The following PLEKHA8 variants were observed in gnomAD, a reference collection of about 807,000 sequenced individuals.
PLEKHA8 encodes the protein pleckstrin homology domain-containing family A member 8.
A neutral mutation model predicts 68.2 loss-of-function variants in PLEKHA8; 36 were observed. That is an observed-to-expected ratio of 0.53 (90% CI 0.40 to 0.70). The LOEUF (loss-of-function observed/expected upper bound fraction) is 0.70. Ranked by LOEUF, PLEKHA8 falls within the 30% of genes least tolerant of loss-of-function variation. PLEKHA8 has a pLI of 0.00. For missense variants in PLEKHA8, 505 were observed against 615.4 expected (o/e 0.82, Z 1.90); for synonymous variants, 211 against 216.1 (o/e 0.98, Z 0.20).
At chr7:30,118,011 T>G in intron 13 of PLEKHA8, 1 of 1,529,604 alleles carries the variant, frequency 6.5e-7, no homozygotes. Context: ...GGGCTGTCAC[T>G]CAGAATCAGG....
chr7:30,050,572 T>C, intron 6 of PLEKHA8, 98 bp downstream of exon 6: 1 of 1,365,790 alleles, frequency 7.3e-7, no homozygotes, highest in Non-Finnish European at 9.7e-7. Context: ...TAATGGTTTT[T>C]CTCAGGATTT....
chr7:30,074,211 A>G, intron 13 of PLEKHA8, 79 bp downstream of exon 13: 1 of 1,290,900 alleles, frequency 7.7e-7, no homozygotes, highest in Non-Finnish European at 1.1e-6. Context: ...CTTCTTACCC[A>G]GTTATTTATC....
intron 13 of PLEKHA8, among the ~76,000 whole-genome samples, chr7:30,113,991 C>T (rs977815147): frequency 6.6e-6 from 1 of 151,958 alleles, no homozygotes; most frequent in African/African-American, 2.4e-5. Flanking sequence ...CTCTGCCTCC[C>T]AGGTTCAAGT....
At chr7:30,109,570 G>A (rs191467771) in intron 13 of PLEKHA8, among the ~76,000 whole-genome samples, 2,888 of 106,218 alleles carry the variant, frequency 0.027, 45 homozygotes, top group Admixed American at 0.041. Flanking sequence ...CCTGGGCAAC[G>A]AGTGAAACTC....
At chr7:30,049,720 C>T (rs1379506489) in intron 5 of PLEKHA8, among the ~76,000 whole-genome samples, 2 of 152,182 alleles carry the variant, frequency 1.3e-5, no homozygotes, top group Admixed American at 1.3e-4. Context: ...TAAATTGAAC[C>T]ACTTAACCTA....
Position 30,078,867 on chromosome 7 carries a change from C to A in PLEKHA8, c.*80C>A. The stretch of plus-strand genomic sequence containing the variant: ...TGCCCTACTTAATTTCCAGCAACAG[C>A]CTCAACCCTCTCCAACCCCTTCACC... On this transcript the variant is annotated 3_prime_UTR_variant, in exon 14 of 14. Coordinates refer to ENST00000449726, the MANE Select transcript of PLEKHA8 (RefSeq NM_001197026.2). 1 of 1,516,098 alleles carries A rather than the reference C, an allele frequency of 6.6e-7. No individual in the cohort carries two copies. 93.9% of individuals were successfully genotyped at this position (1,516,098 alleles called of 1,614,324 possible). A position where few individuals can be genotyped will look rare whatever the true frequency, so the allele number is the denominator to read the frequency against.
chr7:30,087,447 C>G (rs1419323871), downstream of PLEKHA8, among the ~76,000 whole-genome samples: 1 of 152,212 alleles, frequency 6.6e-6, no homozygotes, highest in African/African-American at 2.4e-5. Flanking sequence ...GAGACCCTAC[C>G]TTCACCTGAA....
chr7:30,059,145 A>C (rs573556943), intron 9 of PLEKHA8, among the ~76,000 whole-genome samples: 19 of 152,242 alleles, frequency 1.2e-4, no homozygotes, highest in Non-Finnish European at 2.6e-4. Context: ...TGAGTCTTCC[A>C]ATCCATGAGG....
At chr7:30,042,831 A>G (rs756163759) in intron 1 of PLEKHA8, among the ~76,000 whole-genome samples, 2 of 152,190 alleles carry the variant, frequency 1.3e-5, no homozygotes, top group Non-Finnish European at 2.9e-5. Flanking sequence ...ACACTTTTGC[A>G]AAGGGCTGAA....
downstream of PLEKHA8, among the ~76,000 whole-genome samples, chr7:30,086,657 T>C (rs1434887025): frequency 6.6e-6 from 1 of 152,250 alleles, no homozygotes; most frequent in African/African-American, 2.4e-5. Context: ...TTTTCTGTTC[T>C]ACCATCACTC....
chr7:30,074,270 G>GTGTGTGTGTGTGTGTGTA, intron 13 of PLEKHA8, 138 bp downstream of exon 13: 1 of 647,524 alleles, frequency 1.5e-6, no homozygotes, highest in Non-Finnish European at 2.6e-6. Context: ...GTGTGTGTGT[G>GTGTGTGTGTGTGTGTGTA]TGTATGTGTG....
chr7:30,046,329 G>C lies in PLEKHA8; in HGVS notation c.277G>C (p.Ala93Pro), dbSNP rs374178727. Residue 93 changes from alanine (A) to proline (P), a missense_variant, in exon 3 of 14, where the codon GCT (alanine) becomes CCT (proline). Ala to Pro is a conservative substitution (Grantham distance 27). Coordinates refer to ENST00000449726, the MANE Select transcript of PLEKHA8 (RefSeq NM_001197026.2). ...GCTGGTGGCCCTGGGATCAGCCAAG[G>C]CTTGCCTGACTGACAGTAGGACCCA... ...RWLVALGSAK[A>P]CLTDSRTQKE... is the part of the protein sequence containing the mutation. 6.2e-7 allele frequency: 1 copy of C among 1,613,192 alleles called. No individual in the cohort carries two copies. Among genetic ancestry groups the C allele is most frequent in the Non-Finnish European group, 8.5e-7 (1 of 1,179,546 alleles).
intron 13 of PLEKHA8, chr7:30,115,722 A>G (rs988527626): frequency 8.4e-6 from 1 of 119,314 alleles, no homozygotes; most frequent in Admixed American, 8.4e-5. Flanking sequence ...ACGCGCATGC[A>G]TGCATACACG....
At chr7:30,129,175 A>C in intron 13 of PLEKHA8, 4 of 1,566,222 alleles carry the variant, frequency 2.6e-6, no homozygotes, top group Non-Finnish European at 3.5e-6. Context: ...AGGAAACAAT[A>C]ATATGTAACA....
chr7:30,055,269 T>A lies in PLEKHA8; in HGVS notation c.966T>A (p.Ile322=). 1 of 1,614,112 alleles carries A rather than the reference T, an allele frequency of 6.2e-7. No homozygotes were observed. Among genetic ancestry groups the A allele is most frequent in the Non-Finnish European group, 8.5e-7 (1 of 1,179,944 alleles). The change falls in exon 9 of 14, where the codon ATT becomes ATA. Residue 322 remains isoleucine (I), a synonymous_variant. Coordinates refer to ENST00000449726, the MANE Select transcript of PLEKHA8 (RefSeq NM_001197026.2). The stretch of plus-strand genomic sequence containing the variant: ...CCAAATTATGTAGCTTTAGTGACAT[T>A]GAACTTCTGGAAGACAGTGGCATTC... ...FSTMNTSFSD[I]ELLEDSGIPT... is the part of the protein sequence containing the mutation.
chr7:30,124,416 G>C (rs1402675509), intron 13 of PLEKHA8, among the ~76,000 whole-genome samples: 1 of 152,206 alleles, frequency 6.6e-6, no homozygotes, highest in Non-Finnish European at 1.5e-5. Context: ...AAAAATGTCA[G>C]TTTGTGTGGG....
At chr7:30,039,212 A>T (rs1791335379) in intron 1 of PLEKHA8, among the ~76,000 whole-genome samples, 1 of 152,186 alleles carries the variant, frequency 6.6e-6, no homozygotes, top group South Asian at 2.1e-4. Flanking sequence ...TGAAAAACTT[A>T]TTTTTAAAAA....
downstream of PLEKHA8, among the ~76,000 whole-genome samples, chr7:30,088,576 A>G (rs897545968): frequency 6.6e-6 from 1 of 152,212 alleles, no homozygotes; most frequent in African/African-American, 2.4e-5. Context: ...AAATATGGCC[A>G]GATCACAGCC....
chr7:30,126,783 CT>C (rs773530772), intron 13 of PLEKHA8, among the ~76,000 whole-genome samples: 7 of 152,158 alleles, frequency 4.6e-5, no homozygotes, highest in Non-Finnish European at 8.8e-5. Context: ...GGAAACTCCT[CT>C]TTATAAAACT....
Sources: allele counts gnomAD v4.1 joint callset (sites outside exome capture counted in the v4.1 genomes callset), GRCh38; gene constraint gnomAD v4.1.1; transcripts MANE v1.5; gene names NCBI Gene and HGNC (gene_info 2026-07-23, HGNC 2026-07-21).